The following YEATS2 variants were observed in gnomAD, a reference collection of about 807,000 sequenced individuals.
The protein encoded by YEATS2 is YEATS domain containing 2, also known as YEATS domain-containing protein 2.
YEATS2 carries 77 observed loss-of-function variants against 163.2 expected under a neutral mutation model. The observed-to-expected ratio is 0.47, with a 90% CI of 0.39 to 0.57. YEATS2 has a LOEUF of 0.57. Ranked by LOEUF, YEATS2 falls within the 20% of genes least tolerant of loss-of-function variation. The probability of loss-of-function intolerance (pLI) is 0.00; values close to 1 mark genes in which losing one functional copy is unlikely to be tolerated. For synonymous variants in YEATS2, 631 were observed against 645.1 expected (o/e 0.98, Z 0.33); for missense variants, 1,549 against 1,729.8 (o/e 0.90, Z 1.85).
rs1715691604 is a variant in YEATS2 at position 183,715,044 on chromosome 3, G to T, written c.-19-100G>T. On this transcript the variant is annotated intron_variant, in intron 1 of 30. Transcript: ENST00000305135. Reference sequence around the variant, plus strand: ...AATGTAATATTTATTTATTTATTTTGTTTGTACACATATATTTGTAAGTAC... The same window carrying T: ...AATGTAATATTTATTTATTTATTTTTTTTGTACACATATATTTGTAAGTAC... 4.8e-5 allele frequency: 30 copies of T among 625,306 alleles called. No individual in the cohort carries two copies. The South Asian group carries it at 6.2e-4, about 13-fold the overall frequency. 38.7% of individuals were successfully genotyped at this position (625,306 alleles called of 1,614,324 possible). A position where few individuals can be genotyped will look rare whatever the true frequency, so the allele number is the denominator to read the frequency against.
intron 9 of YEATS2, among the ~76,000 whole-genome samples, chr3:183,748,108 C>T (rs1194713199): frequency 6.6e-6 from 1 of 151,842 alleles, no homozygotes; most frequent in Non-Finnish European, 1.5e-5. Context: ...CTACCGAAGA[C>T]TGGGTAATCT....
intron 28 of YEATS2, 177 bp from the exon 29 acceptor site, chr3:183,807,853 T>C (rs1364410141): frequency 1.8e-6 from 1 of 557,658 alleles, no homozygotes; most frequent in African/African-American, 1.9e-5. Context: ...AAAAACAAGA[T>C]AACATTCTTC....
intron 8 of YEATS2, 39 bp downstream of exon 8, chr3:183,736,868 C>G (rs368808444): frequency 1.5e-5 from 24 of 1,556,170 alleles, no homozygotes; most frequent in East Asian, 9.1e-5. Context: ...TTTGAAGTCT[C>G]TTTTTACCAG....
rs755464998 is a variant in YEATS2, at chr3:183,721,887, G to C, written c.292-4G>C. On this transcript the variant is annotated splice_region_variant and splice_polypyrimidine_tract_variant and intron_variant, in intron 4 of 30. Transcript: ENST00000305135. ...ATTTATTTGCTTGCTTTCATTTTTT[G>C]TAGGGATCAAAGACATGTGATACAA... The C allele has an allele frequency of 6.8e-6, 11 of 1,607,138 alleles. No homozygotes were observed. The highest frequency in any genetic ancestry group is 1.3e-5 in the African/African-American group (1 of 74,430).
At chr3:183,726,980 T>C (rs1717174557) in intron 6 of YEATS2, among the ~76,000 whole-genome samples, 1 of 152,096 alleles carries the variant, frequency 6.6e-6, no homozygotes, top group South Asian at 2.1e-4. Flanking sequence ...TTTGTATTCT[T>C]AGTAGAGATG....
chr3:183,793,435 G>A, intron 21 of YEATS2: 1 of 1,002,572 alleles, frequency 1.0e-6, no homozygotes, highest in Non-Finnish European at 1.2e-6. Flanking sequence ...TTGAGGCCCT[G>A]TGTTGGATAC....
intron 19 of YEATS2, among the ~76,000 whole-genome samples, chr3:183,783,664 C>T (rs1723787904): frequency 6.6e-6 from 1 of 152,174 alleles, no homozygotes; most frequent in Non-Finnish European, 1.5e-5. Context: ...GTTTTCTGTC[C>T]TGCATTCATT....
At chr3:183,723,624 A>G (rs1001194705) in intron 5 of YEATS2, among the ~76,000 whole-genome samples, 2 of 152,152 alleles carry the variant, frequency 1.3e-5, no homozygotes, top group Non-Finnish European at 2.9e-5. Flanking sequence ...GTTAAAAAGA[A>G]TTTAGGAGGC....
chr3:183,756,831 A>G (rs771736704), intron 12 of YEATS2, 142 bp downstream of exon 12: 129 of 749,002 alleles, frequency 1.7e-4, no homozygotes, highest in Middle Eastern at 8.7e-4. Flanking sequence ...AGGAAAGCCA[A>G]TACTCTTTCT....
At chr3:183,773,385 G>A (rs1180622686) in intron 16 of YEATS2, among the ~76,000 whole-genome samples, 1 of 152,170 alleles carries the variant, frequency 6.6e-6, no homozygotes, top group Non-Finnish European at 1.5e-5. Flanking sequence ...GAACCAGGAC[G>A]TACGATCATC....
At chr3:183,795,295 A>G (rs1725032091) in intron 21 of YEATS2, among the ~76,000 whole-genome samples, 1 of 151,558 alleles carries the variant, frequency 6.6e-6, no homozygotes, top group Admixed American at 6.6e-5. Flanking sequence ...AATTATTTTT[A>G]TTTCATTTTT....
At chr3:183,722,262 A>C in intron 5 of YEATS2, 126 bp downstream of exon 5, 1 of 892,472 alleles carries the variant, frequency 1.1e-6, no homozygotes, top group South Asian at 2.3e-5. Context: ...TTCCTTTTAT[A>C]ATGGGGAAAC....
intron 20 of YEATS2, among the ~76,000 whole-genome samples, chr3:183,789,915 T>C (rs1377099131): frequency 1.3e-5 from 2 of 152,172 alleles, no homozygotes; most frequent in Non-Finnish European, 2.9e-5. Flanking sequence ...CCAGTTGGCC[T>C]AGAAACATTT....
chr3:183,790,106 C>T (rs538353871), intron 20 of YEATS2, among the ~76,000 whole-genome samples: 59 of 152,316 alleles, frequency 3.9e-4, no homozygotes, highest in African/African-American at 1.3e-3. Flanking sequence ...TTTCTACATA[C>T]TCTCCTCTGC....
intron 17 of YEATS2, among the ~76,000 whole-genome samples, 200 bp downstream of exon 17, chr3:183,773,994 A>G (rs1243884498): frequency 3.3e-5 from 5 of 152,336 alleles, no homozygotes; most frequent in Admixed American, 1.3e-4. Flanking sequence ...AGCGTTTGCA[A>G]TCAGAGATGA....
chr3:183,759,021 A>T, intron 13 of YEATS2, 56 bp downstream of exon 13: 1 of 1,272,000 alleles, frequency 7.9e-7, no homozygotes, highest in Non-Finnish European at 1.1e-6. Flanking sequence ...TTTCATTTTT[A>T]AAAAATAATT....
chr3:183,774,856 A>G (rs1175387284), intron 17 of YEATS2, among the ~76,000 whole-genome samples: 2 of 152,160 alleles, frequency 1.3e-5, no homozygotes, highest in African/African-American at 4.8e-5. Flanking sequence ...AAGCAGTGGT[A>G]TGTCCAAAAG....
chr3:183,711,466 G>A lies in YEATS2; in HGVS notation c.-19-3678G>A, dbSNP rs1253663450. Among the ~76,000 whole-genome samples, 16 of 116,278 alleles carry A rather than the reference G, an allele frequency of 1.4e-4. No individual in the cohort carries two copies. In the East Asian group the frequency reaches 4.0e-3, roughly 29 times the overall value. The allele number at this position is 116,278 out of a possible 152,430, so 76.3% of individuals were successfully genotyped here. A position where few individuals can be genotyped will look rare whatever the true frequency, so the allele number is the denominator to read the frequency against. ...CCAGCCTGGGAGACAGCGAGACTCTGTCTCAAAAAAAAAAAAAAAAAAGCT... is the reference window on the plus strand; with the variant it reads ...CCAGCCTGGGAGACAGCGAGACTCTATCTCAAAAAAAAAAAAAAAAAAGCT... On this transcript the variant is annotated intron_variant, in intron 1 of 30. Coordinates refer to ENST00000305135, the MANE Select transcript of YEATS2 (RefSeq NM_018023.5).
chr3:183,791,432 ATT>A (rs1030827617), intron 21 of YEATS2, among the ~76,000 whole-genome samples: 1 of 152,174 alleles, frequency 6.6e-6, no homozygotes, highest in African/African-American at 2.4e-5. Context: ...TAGATGAATT[ATT>A]TTTGTTTAAA....
Sources: allele counts gnomAD v4.1 joint callset (sites outside exome capture counted in the v4.1 genomes callset), GRCh38; gene constraint gnomAD v4.1.1; transcripts MANE v1.5; gene names NCBI Gene and HGNC (gene_info 2026-07-23, HGNC 2026-07-21).